The following ATP13A4 variants were observed in gnomAD, a reference collection of about 807,000 sequenced individuals.
The protein encoded by ATP13A4 is ATPase 13A4, also known as probable cation-transporting ATPase 13A4.
In ATP13A4, 114 loss-of-function variants were observed where a neutral mutation model predicts 142.5. The ratio of observed to expected loss-of-function variants is 0.80; its 90% CI spans 0.69 to 0.93. The LOEUF is 0.93. Ranked by LOEUF, ATP13A4 falls within the 40% of genes least tolerant of loss-of-function variation. The pLI is 0.00. For missense variants in ATP13A4, 1,392 were observed against 1,454.0 expected (o/e 0.96, Z 0.69); for synonymous variants, 488 against 514.8 (o/e 0.95, Z 0.70).
At chr3:193,425,364 G>GT (rs1233901300) in intron 25 of ATP13A4, among the ~76,000 whole-genome samples, 2 of 151,666 alleles carry the variant, frequency 1.3e-5, no homozygotes, top group Non-Finnish European at 3.0e-5. Flanking sequence ...TACTGGGTAT[G>GT]TATCCAAAGA....
chr3:193,424,285 T>C, intron 25 of ATP13A4, among the ~76,000 whole-genome samples: 1 of 145,890 alleles, frequency 6.9e-6, no homozygotes, highest in Non-Finnish European at 1.5e-5. Flanking sequence ...CAATCCAATC[T>C]CTATCAAAAC....
upstream of ATP13A4, chr3:193,554,923 A>T: frequency 6.2e-7 from 1 of 1,605,082 alleles, no homozygotes; most frequent in South Asian, 1.1e-5. Flanking sequence ...TCCAGGTTAA[A>T]ACTCCTCCTT....
At chr3:193,536,341 C>T (rs1722591410) in intron 1 of ATP13A4, among the ~76,000 whole-genome samples, 3 of 152,022 alleles carry the variant, frequency 2.0e-5, no homozygotes, top group African/African-American at 7.2e-5. Flanking sequence ...GCCACACACA[C>T]ACAAAAATTA....
intron 7 of ATP13A4, among the ~76,000 whole-genome samples, chr3:193,486,206 T>A (rs1265747879): frequency 1.3e-5 from 2 of 152,064 alleles, no homozygotes; most frequent in Admixed American, 6.5e-5. Context: ...TAAAGAGCTC[T>A]AGAAACTAAA....
chr3:193,454,031 C>T (rs1717432450), intron 17 of ATP13A4, 70 bp downstream of exon 17: 12 of 1,316,120 alleles, frequency 9.1e-6, no homozygotes, highest in Admixed American at 3.5e-5. Flanking sequence ...CAGTCTAATG[C>T]ACTTGACATT....
chr3:193,401,796 T>G lies in ATP13A4; in HGVS notation c.*856A>C, dbSNP rs1280890385. Among the ~76,000 whole-genome samples the G allele has an allele frequency of 6.6e-6, 1 of 152,226 alleles. No individual in the cohort carries two copies. The highest frequency in any genetic ancestry group is 1.5e-5 in the Non-Finnish European group (1 of 68,038). ...TGTGTAGTGACAGCTCATAAGCCCA[T>G]GAAGCATCCCTAAACACAGGAGACT... is the stretch of plus-strand genomic sequence containing the variant. On this transcript the variant is annotated 3_prime_UTR_variant, in exon 30 of 30. Transcript: ENST00000342695.
At chr3:193,446,673 AAT>A (rs1467464836) in intron 18 of ATP13A4, among the ~76,000 whole-genome samples, 5 of 152,196 alleles carry the variant, frequency 3.3e-5, no homozygotes, top group African/African-American at 1.2e-4. Flanking sequence ...TGACTTAATA[AAT>A]ATGTCAAAAA....
intron 25 of ATP13A4, among the ~76,000 whole-genome samples, chr3:193,429,189 C>T (rs920370823): frequency 1.1e-4 from 17 of 151,912 alleles, no homozygotes; most frequent in African/African-American, 4.1e-4. Context: ...GCAATTAGAC[C>T]CCTTATACAT....
chr3:193,541,590 CTTTGTTTG>C (rs372398164), intron 1 of ATP13A4, among the ~76,000 whole-genome samples: 3 of 151,906 alleles, frequency 2.0e-5, no homozygotes, highest in African/African-American at 4.8e-5. Context: ...CTGTTTCTTT[CTTTGTTTG>C]TTTGTTTGTT....
chr3:193,427,346 G>T (rs1051169665), intron 25 of ATP13A4, among the ~76,000 whole-genome samples: 1 of 152,162 alleles, frequency 6.6e-6, no homozygotes, highest in Non-Finnish European at 1.5e-5. Context: ...TGGATAGGAA[G>T]AATCAATATC....
At chr3:193,555,495 TATC>T (rs1326553182), upstream of ATP13A4, among the ~76,000 whole-genome samples, 1 of 152,226 alleles carries the variant, frequency 6.6e-6, no homozygotes, top group African/African-American at 2.4e-5. Flanking sequence ...AGAACAAAGG[TATC>T]ATCAAACTAG....
intron 16 of ATP13A4, among the ~76,000 whole-genome samples, chr3:193,455,485 T>C (rs145729355): frequency 0.013 from 2,003 of 152,142 alleles, 41 homozygotes; most frequent in African/African-American, 0.039. Flanking sequence ...CACAGTGAGA[T>C]ACCATCTCAA....
chr3:193,419,237 C>T (rs1416113021), intron 25 of ATP13A4, among the ~76,000 whole-genome samples: 1 of 149,866 alleles, frequency 6.7e-6, no homozygotes, highest in East Asian at 2.1e-4. Context: ...TCTGGTAATG[C>T]AGTGGAAGAA....
At chr3:193,514,292 G>A (rs1721288916) in intron 2 of ATP13A4, among the ~76,000 whole-genome samples, 1 of 152,102 alleles carries the variant, frequency 6.6e-6, no homozygotes, top group Admixed American at 6.5e-5. Context: ...ATGTGTCCAT[G>A]TGTTATCATT....
Position 193,573,274 on chromosome 3 carries a change from T to TATATATATATAC in ATP13A4, n.291+8432_291+8433insGTATATATATAT, listed in dbSNP as rs1209937896. Among the ~76,000 whole-genome samples the TATATATATATAC allele has an allele frequency of 1.5e-3, 125 of 83,038 alleles. 1 individual carries two copies. The highest frequency in any genetic ancestry group is 2.6e-3 in the Non-Finnish European group (110 of 42,234). 54.5% of individuals were successfully genotyped at this position (83,038 alleles called of 152,430 possible). Reference sequence around the variant, plus strand: ...AATACCACAGCCATATATATATATATACATATATATATATACACATATATA... The same window carrying TATATATATATAC: ...AATACCACAGCCATATATATATATATATATATATATACACATATATATATATACACATATATA... On this transcript the variant is annotated intron_variant and non_coding_transcript_variant, in intron 2 of 3. Transcript: ENST00000489140.
At chr3:193,457,748 GC>G (rs2108636546) in intron 14 of ATP13A4, among the ~76,000 whole-genome samples, 1 of 152,326 alleles carries the variant, frequency 6.6e-6, no homozygotes, top group Admixed American at 6.5e-5. Flanking sequence ...TTTCTGAAGA[GC>G]CTAGCTTGAA....
chr3:193,405,022 T>C (rs1211286451), intron 29 of ATP13A4, among the ~76,000 whole-genome samples: 1 of 152,216 alleles, frequency 6.6e-6, no homozygotes, highest in East Asian at 1.9e-4. Flanking sequence ...TCATGAGCAC[T>C]GGCATAGTAA....
At chr3:193,457,491 T>G (rs1717697858) in intron 14 of ATP13A4, 26 bp from the exon 15 acceptor site, 9 of 1,597,610 alleles carry the variant, frequency 5.6e-6, no homozygotes, top group Admixed American at 1.7e-5. Context: ...GATATTTCAT[T>G]GCAGAGATTT....
Position 193,439,066 on chromosome 3 carries a change from C to T in ATP13A4, c.2520-1G>A. On this transcript the variant is annotated splice_acceptor_variant, in intron 21 of 29. Coordinates refer to ENST00000342695, the MANE Select transcript of ATP13A4 (RefSeq NM_032279.4). LOFTEE classifies it high-confidence loss of function. The stretch of plus-strand genomic sequence containing the variant: ...ATCACCACACATACCTACAAAGTAA[C>T]TAAGAGGGAACCACATTAATTGTAG... The T allele has an allele frequency of 1.2e-6, 2 of 1,605,008 alleles. No individual in the cohort carries two copies. The highest frequency in any genetic ancestry group is 1.7e-6 in the Non-Finnish European group (2 of 1,171,694).
Sources: gnomAD v4.1 joint callset for allele counts (sites outside exome capture counted in the v4.1 genomes callset) on GRCh38, gnomAD v4.1.1 for gene constraint, MANE v1.5 for transcripts, NCBI Gene and HGNC (gene_info 2026-07-23, HGNC 2026-07-21) for gene names.